The following TTC28 variants were observed in gnomAD, a reference collection of about 807,000 sequenced individuals.
The protein encoded by TTC28 is tetratricopeptide repeat domain 28.
A neutral mutation model predicts 198.0 loss-of-function variants in TTC28; 61 were observed. The observed-to-expected ratio is 0.31, with a 90% CI of 0.25 to 0.38. The LOEUF (loss-of-function observed/expected upper bound fraction) is 0.38. Among genes scored for constraint, TTC28 ranks in the 10% least tolerant of loss-of-function variants. TTC28 has a pLI of 1.00. For missense variants in TTC28, 2,678 were observed against 3,164.0 expected (o/e 0.85, Z 3.69); for synonymous variants, 1,171 against 1,297.8 (o/e 0.90, Z 2.10).
At chr22:28,513,711 T>C (rs1235990985) in intron 2 of TTC28, among the ~76,000 whole-genome samples, 1 of 152,124 alleles carries the variant, frequency 6.6e-6, no homozygotes, top group Non-Finnish European at 1.5e-5. Context: ...TAAGTAAAAA[T>C]AGCTGAGAAA....
intron 2 of TTC28, among the ~76,000 whole-genome samples, chr22:28,477,654 G>A (rs749871009): frequency 9.8e-5 from 15 of 152,314 alleles, no homozygotes; most frequent in Admixed American, 2.6e-4. Context: ...CAGATCCAAT[G>A]AGTGGCCTTC....
chr22:28,065,468 G>C (rs960397109), intron 12 of TTC28, among the ~76,000 whole-genome samples: 2 of 151,974 alleles, frequency 1.3e-5, no homozygotes, highest in South Asian at 4.2e-4. Context: ...TAAAATGGTC[G>C]GGCCAACAAG....
chr22:28,404,635 T>C (rs1601349622), intron 2 of TTC28, among the ~76,000 whole-genome samples: 1 of 152,312 alleles, frequency 6.6e-6, no homozygotes, highest in East Asian at 1.9e-4. Flanking sequence ...TCACCGCTTT[T>C]CCACTCACCC....
intron 6 of TTC28, among the ~76,000 whole-genome samples, chr22:28,162,727 T>A (rs1490161455): frequency 2.0e-5 from 3 of 152,152 alleles, no homozygotes; most frequent in Non-Finnish European, 4.4e-5. Flanking sequence ...GGTGGGAGGA[T>A]CGCTTGAGCC....
chr22:28,347,960 C>T (rs191461348), intron 2 of TTC28, among the ~76,000 whole-genome samples: 1 of 152,356 alleles, frequency 6.6e-6, no homozygotes, highest in East Asian at 1.9e-4. Flanking sequence ...CCCTTCAGAC[C>T]TACCAGACTG....
At chr22:28,381,869 T>C (rs373634757) in intron 2 of TTC28, among the ~76,000 whole-genome samples, 5 of 152,276 alleles carry the variant, frequency 3.3e-5, no homozygotes, top group Admixed American at 2.0e-4. Context: ...GATAATGCAA[T>C]AGATTAGAGT....
intron 6 of TTC28, among the ~76,000 whole-genome samples, chr22:28,116,805 C>G (rs1195414914): frequency 6.6e-6 from 1 of 152,178 alleles, no homozygotes; most frequent in African/African-American, 2.4e-5. Flanking sequence ...TCCCTCTAGC[C>G]TACAAAGTGT....
intron 5 of TTC28, among the ~76,000 whole-genome samples, chr22:28,271,415 C>T (rs1932063271): frequency 6.6e-6 from 1 of 152,074 alleles, no homozygotes; most frequent in South Asian, 2.1e-4. Context: ...ATTAATTATC[C>T]TCTCTAGATT....
chr22:28,639,279 TGATATA>T (rs997914907), intron 1 of TTC28, among the ~76,000 whole-genome samples: 1 of 152,216 alleles, frequency 6.6e-6, no homozygotes, highest in Admixed American at 6.5e-5. Context: ...TTTTATACGC[TGATATA>T]GATAGAAAAA....
At chr22:28,084,092 A>C (rs1052610215) in intron 12 of TTC28, among the ~76,000 whole-genome samples, 2 of 152,234 alleles carry the variant, frequency 1.3e-5, no homozygotes, top group African/African-American at 4.8e-5. Flanking sequence ...GGGGCAGGGC[A>C]CAGACAAACA....
chr22:28,162,129 C>T (rs1360754739), intron 6 of TTC28, among the ~76,000 whole-genome samples: 1 of 152,162 alleles, frequency 6.6e-6, no homozygotes, highest in Non-Finnish European at 1.5e-5. Flanking sequence ...TGTTTGAATA[C>T]AGGGATAAGA....
chr22:28,276,238 C>T (rs117979417), intron 5 of TTC28, among the ~76,000 whole-genome samples: 2,200 of 152,120 alleles, frequency 0.014, 32 homozygotes, highest in Non-Finnish European at 0.02. Flanking sequence ...CTCTCAAACT[C>T]CTGAGCCGAA....
rs1937481569 is a variant in TTC28 at position 27,993,303 on chromosome 22, T to C, written c.5460A>G (p.Thr1820=). ...ACAGCTCACCCAGCAGGGACTGGAG[T>C]GTGCTGCTGCACTGCTGGAGCCGGT... ...PGDRLQQCSS[T]LQSLLGLPNP... Residue 1820 remains threonine (T), a synonymous_variant, in exon 18 of 23, where the codon ACA becomes ACG. Coordinates refer to ENST00000397906, the MANE Select transcript of TTC28 (RefSeq NM_001145418.2). 3 of 1,541,862 alleles carry C rather than the reference T, an allele frequency of 1.9e-6. No individual in the cohort carries two copies. The highest frequency in any genetic ancestry group is 2.0e-5 in the Admixed American group (1 of 50,554).
At chr22:28,028,019 C>G (rs1026091565) in intron 13 of TTC28, among the ~76,000 whole-genome samples, 1 of 152,282 alleles carries the variant, frequency 6.6e-6, no homozygotes, top group Non-Finnish European at 1.5e-5. Context: ...CAGAACCCCC[C>G]TTCCTGGCTT....
At chr22:28,678,252 T>C (rs945106347) in intron 1 of TTC28, among the ~76,000 whole-genome samples, 1 of 152,252 alleles carries the variant, frequency 6.6e-6, no homozygotes, top group African/African-American at 2.4e-5. Flanking sequence ...TTTCATTGTG[T>C]TATCCAGGCT....
At chr22:28,205,151 C>T (rs992998847) in intron 5 of TTC28, among the ~76,000 whole-genome samples, 3 of 151,870 alleles carry the variant, frequency 2.0e-5, no homozygotes, top group African/African-American at 7.3e-5. Context: ...TAAAAATAGC[C>T]TAAACCTTTT....
intron 2 of TTC28, among the ~76,000 whole-genome samples, chr22:28,459,206 C>T (rs1601423521): frequency 6.6e-6 from 1 of 152,054 alleles, no homozygotes; most frequent in Non-Finnish European, 1.5e-5. Flanking sequence ...GCAGGTGGAT[C>T]GCTTGAGCTC....
chr22:28,039,175 T>C (rs1173394426), intron 12 of TTC28, among the ~76,000 whole-genome samples: 1 of 152,202 alleles, frequency 6.6e-6, no homozygotes, highest in Non-Finnish European at 1.5e-5. Context: ...ACTGGGTATA[T>C]ACCCAAAGGA....
At chr22:28,273,474 T>C (rs1188341870) in intron 5 of TTC28, among the ~76,000 whole-genome samples, 1 of 151,950 alleles carries the variant, frequency 6.6e-6, no homozygotes, top group Admixed American at 6.6e-5. Context: ...CAATGTGATA[T>C]ATAGGCTTCA....
Sources: allele counts gnomAD v4.1 joint callset (sites outside exome capture counted in the v4.1 genomes callset), GRCh38; gene constraint gnomAD v4.1.1; transcripts MANE v1.5; gene names NCBI Gene and HGNC (gene_info 2026-07-23, HGNC 2026-07-21).